The following PRRC2A variants were observed in gnomAD, a reference collection of about 807,000 sequenced individuals.
PRRC2A encodes proline rich coiled-coil 2A.
Under a neutral mutation model 224.6 loss-of-function variants are expected in PRRC2A, and 59 were observed. The ratio of observed to expected loss-of-function variants is 0.26; its 90% CI spans 0.21 to 0.33. The LOEUF (loss-of-function observed/expected upper bound fraction) is 0.33. PRRC2A is among the 10% of genes least tolerant of loss of function. PRRC2A has a pLI of 1.00. For missense variants in PRRC2A, 3,095 were observed against 2,880.7 expected, an observed-to-expected ratio of 1.07 and a Z score of -1.70; for synonymous variants, 1,194 against 1,109.5, an observed-to-expected ratio of 1.08 and a Z score of -1.51.
Position 31,629,687 on chromosome 6 carries a change from C to T in PRRC2A, c.2096C>T (p.Pro699Leu). Residue 699 changes from proline (P) to leucine (L), a missense_variant, in exon 14 of 31, where the codon CCC (proline) becomes CTC (leucine). Transcript: ENST00000376033. ...CCAGCTCCACAGGCTCCACCCCCGC[C>T]CCCCAAGGCCCTGTACCCAGGTGCT... ...AVPAPQAPPP[P>L]PKALYPGALG... The T allele has an allele frequency of 6.2e-7, 1 of 1,600,970 alleles. No individual in the cohort carries two copies. Among genetic ancestry groups the T allele is most frequent in the Non-Finnish European group, 8.5e-7 (1 of 1,172,292 alleles).
In PRRC2A at chr6:31,637,338, C is replaced by T. The variant is rs755494478; in HGVS notation, c.6333+14C>T. 1.2e-6 allele frequency: 2 copies of T among 1,605,808 alleles called. No individual in the cohort carries two copies. Among genetic ancestry groups the T allele is most frequent in the Admixed American group, 1.7e-5 (1 of 59,980 alleles). On this transcript the variant is annotated intron_variant, in intron 30 of 30. Transcript: ENST00000376033. ...CTTTACCAGCAGGTGAAGGAGAAAC[C>T]CTTGTGGCCCCAACTCTAAATTCGA...
At position 31,631,357 on chromosome 6, in the gene PRRC2A, G is replaced by A. The variant is rs2150518363; in HGVS notation, c.2684G>A (p.Gly895Glu). 6.2e-7 allele frequency: 1 copy of A among 1,602,742 alleles called. No individual in the cohort carries two copies. Among genetic ancestry groups the A allele is most frequent in the Non-Finnish European group, 8.5e-7 (1 of 1,175,924 alleles). The change falls in exon 16 of 31, where the codon GGG becomes GAG. Residue 895 changes from glycine (G) to glutamate (E), a missense_variant. Gly to Glu is a moderately conservative substitution (Grantham distance 98). Coordinates refer to ENST00000376033, the MANE Select transcript of PRRC2A (RefSeq NM_004638.4). The surrounding 1 kb of genome is among the most constrained non-coding windows in gnomAD (Gnocchi z 4.5). ...PPKEETAQLT[G>E]PEAGRKPARG... is the part of the protein sequence containing the mutation. ...AAGGAGGAGACTGCACAGCTGACGG[G>A]GCCAGAAGCAGGCCGAAAGCCTGCC...
In PRRC2A at chr6:31,632,680, G is replaced by C; in HGVS notation, c.4007G>C (p.Gly1336Ala). The C allele has an allele frequency of 4.3e-6, 7 of 1,613,120 alleles. No homozygotes were observed. The highest frequency in any genetic ancestry group is 5.9e-6 in the Non-Finnish European group (7 of 1,180,030). The change falls in exon 16 of 31, where the codon GGG (glycine) becomes GCG (alanine). Residue 1336 changes from glycine to alanine, a missense_variant. Physicochemically the swap from Gly to Ala is moderately conservative, Grantham distance 60. This residue lies in a region of PRRC2A where 2,001 missense variants were observed against 1,764.9 expected (regional missense o/e 1.13). Coordinates refer to ENST00000376033, the MANE Select transcript of PRRC2A (RefSeq NM_004638.4). ...ESSDFTSERR[G>A]DKEAPPPVLL... ...AGTGACTTCACCAGTGAGCGCCGAGGGGACAAAGAGGCACCCCCACCAGTA... is the reference window on the plus strand; with the variant it reads ...AGTGACTTCACCAGTGAGCGCCGAGCGGACAAAGAGGCACCCCCACCAGTA...
In PRRC2A at chr6:31,627,870, C is replaced by A. The variant is rs770325733; in HGVS notation, c.1396C>A (p.Arg466=). ...ATCTGAGATTTCCCTGGCAGTGGAG[C>A]GGGCCCGGCGACGGCGAGAAGAAGA... ...SSSEISLAVE[R]ARRRREEEER... The change falls in exon 12 of 31, where the codon CGG becomes AGG. Residue 466 remains arginine, a synonymous_variant. Coordinates refer to ENST00000376033, the MANE Select transcript of PRRC2A (RefSeq NM_004638.4). This position sits in a 1 kb window ranked among gnomAD's most constrained non-coding sequence, Gnocchi z 5.6. The A allele has an allele frequency of 4.3e-5, 70 of 1,612,806 alleles. No individual in the cohort carries two copies. Among genetic ancestry groups the A allele is most frequent in the Non-Finnish European group, 5.6e-5 (66 of 1,180,006 alleles).
Position 31,629,618 on chromosome 6 carries a change from C to T in PRRC2A, c.2027C>T (p.Pro676Leu). Residue 676 changes from proline to leucine, a missense_variant, in exon 14 of 31, where the codon CCA (proline) becomes CTA (leucine). Coordinates refer to ENST00000376033, the MANE Select transcript of PRRC2A (RefSeq NM_004638.4). ...CAACAGGGCTCTGCCCCTCCTACCC[C>T]AGTGCCCCCATCACCACCACAGCCT... ...QHQQGSAPPT[P>L]VPPSPPQPVT... The T allele has an allele frequency of 1.2e-6, 2 of 1,612,790 alleles. No individual in the cohort carries two copies. The highest frequency in any genetic ancestry group is 8.5e-7 in the Non-Finnish European group (1 of 1,179,708).
rs1020256989 is a variant in PRRC2A, at chr6:31,632,677, G to A, written c.4004G>A (p.Arg1335Gln). The part of the protein sequence containing the change: ...SESSDFTSER[R>Q]GDKEAPPPVL... The stretch of plus-strand genomic sequence containing the variant: ...AGCAGTGACTTCACCAGTGAGCGCC[G>A]AGGGGACAAAGAGGCACCCCCACCA... The change falls in exon 16 of 31, where the codon CGA (arginine) becomes CAA (glutamine). Residue 1335 changes from arginine (R) to glutamine (Q), a missense_variant. Around this residue, in one of 8 missense-constraint regions of PRRC2A, gnomAD observed 2,001 missense variants for 1,764.9 expected, o/e 1.13. Transcript: ENST00000376033. 17 of 1,612,988 alleles carry A rather than the reference G, an allele frequency of 1.1e-5. No homozygotes were observed. Among genetic ancestry groups the A allele is most frequent in the African/African-American group, 4.0e-5 (3 of 74,926 alleles).
rs746497928 is a variant in PRRC2A at position 31,629,839 on chromosome 6, C to T, written c.2248C>T (p.Pro750Ser). Reference protein sequence around the residue: ...PLDFYPPGVHPSGLVPRERSD... With the variant: ...PLDFYPPGVHSSGLVPRERSD... ...AGACTTCTACCCTCCTGGTGTGCAT[C>T]CCTCTGGTAAGGGGGCATGGGAGGA... is the stretch of plus-strand genomic sequence containing the variant. The change falls in exon 14 of 31, where the codon CCC becomes TCC. Residue 750 changes from proline to serine, a missense_variant. Coordinates refer to ENST00000376033, the MANE Select transcript of PRRC2A (RefSeq NM_004638.4). 27 of 1,613,892 alleles carry T rather than the reference C, an allele frequency of 1.7e-5. No homozygotes were observed. In the Admixed American group the frequency reaches 2.0e-4, roughly 12 times the overall value.
Position 31,632,060 on chromosome 6 carries a change from G to A in PRRC2A, c.3387G>A (p.Glu1129=), listed in dbSNP as rs1487471817. 6.4e-7 allele frequency: 1 copy of A among 1,573,254 alleles called. No homozygotes were observed. The highest frequency in any genetic ancestry group is 1.4e-5 in the African/African-American group (1 of 74,006). Residue 1129 remains glutamate (E), a synonymous_variant, in exon 16 of 31, where the codon GAG becomes GAA. Transcript: ENST00000376033. ...ACAAGGAGGCTCCCACACCCAAGGA[G>A]GGAACACTCACCCAGGTCCCTCTCG... ...PSDKEAPTPK[E]GTLTQVPLAP... is the part of the protein sequence containing the mutation.
At position 31,632,540 on chromosome 6, in the gene PRRC2A, C is replaced by T. The variant is rs1343221094; in HGVS notation, c.3867C>T (p.Ala1289=). The T allele has an allele frequency of 1.9e-6, 3 of 1,610,824 alleles. No individual in the cohort carries two copies. The Admixed American group carries it at 5.0e-5, about 27-fold the overall frequency. The change falls in exon 16 of 31, where the codon GCC becomes GCT. Residue 1289 remains alanine (A), a synonymous_variant. Coordinates refer to ENST00000376033, the MANE Select transcript of PRRC2A (RefSeq NM_004638.4). ...CCTCCGCTCCTGGACCTGAGGAGGC[C>T]CTCACAACAGTCACAGTGGCCCCAG... The part of the protein sequence containing the change: ...LPASAPGPEE[A]LTTVTVAPAP...
Position 31,629,708 on chromosome 6 carries a change from G to C in PRRC2A, c.2117G>C (p.Gly706Ala). The C allele has an allele frequency of 3.7e-6, 6 of 1,602,956 alleles. No homozygotes were observed. Among genetic ancestry groups the C allele is most frequent in the Non-Finnish European group, 5.1e-6 (6 of 1,172,944 alleles). The change falls in exon 14 of 31, where the codon GGT (glycine) becomes GCT (alanine). Residue 706 changes from glycine (G) to alanine (A), a missense_variant. Transcript: ENST00000376033. ...PPPPPKALYP[G>A]ALGRPPPMPP... ...CCGCCCCCCAAGGCCCTGTACCCAG[G>C]TGCTCTGGGCCGGCCCCCACCCATG...
In PRRC2A at chr6:31,634,482, A is replaced by T. The variant is rs776768381; in HGVS notation, c.4860A>T (p.Arg1620=). Residue 1620 remains arginine (R), a synonymous_variant, in exon 20 of 31, where the codon CGA becomes CGT. Coordinates refer to ENST00000376033, the MANE Select transcript of PRRC2A (RefSeq NM_004638.4). ...TGCTCCCTTCTCCAGCCACTAGCCG[A>T]AAGAGTTACCGGCCCAGCTCCATGG... ...IWNRLHTATS[R]KSYRPSSMEP... 24 of 1,612,950 alleles carry T rather than the reference A, an allele frequency of 1.5e-5. No individual in the cohort carries two copies. The highest frequency in any genetic ancestry group is 1.7e-5 in the Non-Finnish European group (20 of 1,179,994).
In PRRC2A at chr6:31,635,414, G is replaced by A. The variant is rs1777218730; in HGVS notation, c.5322G>A (p.Val1774=). ...TSDKDSDLRL[V]VGDSLKAEKE... is the part of the protein sequence containing the mutation. ...CACAGGACTCAGACTTACGCCTAGT[G>A]GTAGGAGACAGCTTGAAAGCAGAGA... Residue 1774 remains valine, a synonymous_variant, in exon 23 of 31, where the codon GTG becomes GTA. Transcript: ENST00000376033. The A allele has an allele frequency of 6.2e-7, 1 of 1,614,222 alleles. No individual in the cohort carries two copies. Among genetic ancestry groups the A allele is most frequent in the South Asian group, 1.1e-5 (1 of 91,086 alleles).
At position 31,632,337 on chromosome 6, in the gene PRRC2A, G is replaced by A. The variant is rs370549598; in HGVS notation, c.3664G>A (p.Ala1222Thr). Residue 1222 changes from alanine to threonine, a missense_variant, in exon 16 of 31, where the codon GCG (alanine) becomes ACG (threonine). By Grantham distance (58) the Ala-to-Thr change is moderately conservative (BLOSUM62 0). Coordinates refer to ENST00000376033, the MANE Select transcript of PRRC2A (RefSeq NM_004638.4). The part of the protein sequence containing the change: ...KLIPGPLSPV[A>T]RGGSNGGSNV... ...GATCCCAGGGCCTCTGTCCCCTGTG[G>A]CGCGCGGAGGCAGCAATGGAGGTAG... The A allele has an allele frequency of 4.5e-5, 72 of 1,613,312 alleles. No individual in the cohort carries two copies. In the East Asian group the frequency reaches 1.5e-3, roughly 34 times the overall value.
rs1364904988 is a variant in PRRC2A, at chr6:31,635,687, T to A, written c.5479T>A (p.Ser1827Thr). ...TGGGCACTGTGTCCCGGAGCCCAGC[T>A]CCTCAGGCCAGCGCCTGTATCCTGA... ...DSGHCVPEPS[S>T]SGQRLYPEVF... The change falls in exon 24 of 31, where the codon TCC (serine) becomes ACC (threonine). Residue 1827 changes from serine (S) to threonine (T), a missense_variant. By Grantham distance (58) the Ser-to-Thr change is moderately conservative. Transcript: ENST00000376033. 6.2e-7 allele frequency: 1 copy of A among 1,612,718 alleles called. No individual in the cohort carries two copies. The highest frequency in any genetic ancestry group is 8.5e-7 in the Non-Finnish European group (1 of 1,179,834).
rs1319870247 is a variant in PRRC2A at position 31,635,618 on chromosome 6, A to C, written c.5410A>C (p.Ser1804Arg). 1.9e-6 allele frequency: 3 copies of C among 1,612,278 alleles called. No individual in the cohort carries two copies. Among genetic ancestry groups the C allele is most frequent in the Non-Finnish European group, 2.5e-6 (3 of 1,179,678 alleles). Residue 1804 changes from serine to arginine, a missense_variant, in exon 24 of 31, where the codon AGT becomes CGT. Coordinates refer to ENST00000376033, the MANE Select transcript of PRRC2A (RefSeq NM_004638.4). ...ATCACGAGACTGGGAGCTGCTTCCC[A>C]GTGCTGCTGCCTCTGCTGAGCCACA... is the stretch of plus-strand genomic sequence containing the variant. ...PVSRDWELLP[S>R]AAASAEPQSK...
chr6:31,633,088 G>T, intron 16 of PRRC2A, 96 bp downstream of exon 16: 1 of 1,388,280 alleles, frequency 7.2e-7, no homozygotes. Context: ...GGAGATTGTG[G>T]CCTGAGGGGC....
rs751127894 is a variant in PRRC2A at position 31,632,389 on chromosome 6, G to A, written c.3716G>A (p.Arg1239Gln). The change falls in exon 16 of 31, where the codon CGA becomes CAA. Residue 1239 changes from arginine to glutamine, a missense_variant. Arg to Gln is a conservative substitution (Grantham distance 43, BLOSUM62 1). This residue lies in a region of PRRC2A where 2,001 missense variants were observed against 1,764.9 expected (regional missense o/e 1.13). Transcript: ENST00000376033. ...AATGTGGGCATGGAAGATGGGGAGCGACCCCGAAGGAGGCGACATGGGAGG... is the reference window on the plus strand; with the variant it reads ...AATGTGGGCATGGAAGATGGGGAGCAACCCCGAAGGAGGCGACATGGGAGG... ...GSNVGMEDGE[R>Q]PRRRRHGRAQ... 3.5e-5 allele frequency: 57 copies of A among 1,610,618 alleles called. No homozygotes were observed. Among genetic ancestry groups the A allele is most frequent in the Non-Finnish European group, 4.5e-5 (53 of 1,178,280 alleles).
Position 31,636,683 on chromosome 6 carries a change from C to G in PRRC2A, c.5935-50C>G. On this transcript the variant is annotated intron_variant, in intron 27 of 30. Transcript: ENST00000376033. The surrounding 1 kb of genome is among the most constrained non-coding windows in gnomAD (Gnocchi z 4.3). The stretch of plus-strand genomic sequence containing the variant: ...GCTGGCTTTGATTTTCCCTGGTTTT[C>G]TGACATTCCTCCCTGCCCCCAACAT... 1 of 1,597,076 alleles carries G rather than the reference C, an allele frequency of 6.3e-7. No homozygotes were observed. The highest frequency in any genetic ancestry group is 8.6e-7 in the Non-Finnish European group (1 of 1,168,684).
At chr6:31,637,159 A>G in intron 29 of PRRC2A, 23 bp downstream of exon 29, 1 of 1,609,646 alleles carries the variant, frequency 6.2e-7, no homozygotes, top group Non-Finnish European at 8.5e-7. Context: ...AGGGATGTGG[A>G]CTTTCCAAGT....
Sources: gnomAD v4.1 joint callset for allele counts on GRCh38, gnomAD v4.1.1 for gene constraint, gnomAD v4.1.1 regional missense constraint, Gnocchi (gnomAD v3.1) non-coding constraint, MANE v1.5 for transcripts, NCBI Gene and HGNC (gene_info 2026-07-23, HGNC 2026-07-21) for gene names.